Variants in ETAA1 observed in about 807,000 individuals in gnomAD.
ETAA1 encodes ETAA1 activator of ATR kinase.
ETAA1 carries 49 observed loss-of-function variants against 76.8 expected under a neutral mutation model. That is an observed-to-expected ratio of 0.64 (90% confidence interval 0.51 to 0.81). The LOEUF (loss-of-function observed/expected upper bound fraction) is 0.81. ETAA1 is among the 30% of genes least tolerant of loss of function. The pLI is 0.00. For synonymous variants in ETAA1, 373 were observed against 372.2 expected (o/e 1.00, Z -0.03); for missense variants, 1,099 against 1,074.0 (o/e 1.02, Z -0.32).
chr2:67,407,715 A>G (rs1390355781), intron 5 of ETAA1, among the ~76,000 whole-genome samples: 4 of 152,176 alleles, frequency 2.6e-5, no homozygotes, highest in Non-Finnish European at 5.9e-5. Context: ...TATTCTTACA[A>G]TAAGCTGGAA....
rs981121295 is a variant in ETAA1, at chr2:67,410,677, T to G, written c.*639T>G. The stretch of plus-strand genomic sequence containing the variant: ...ACATAGAGGAAAAGAAGTAGTGGAT[T>G]GTCTACAAAAGTAATGTGGCATCAT... On this transcript the variant is annotated 3_prime_UTR_variant, in exon 6 of 6. Coordinates refer to ENST00000272342, the MANE Select transcript of ETAA1 (RefSeq NM_019002.4). 1 of 152,206 alleles carries G rather than the reference T, an allele frequency of 6.6e-6. No homozygotes were observed. The highest frequency in any genetic ancestry group is 1.9e-4 in the East Asian group (1 of 5,188). The allele number at this position is 152,206 out of a possible 1,614,324, so 9.4% of individuals were successfully genotyped here. A position where few individuals can be genotyped will look rare whatever the true frequency, so the allele number is the denominator to read the frequency against.
rs1369876011 is a variant in ETAA1, at chr2:67,397,634, T to G, written c.186T>G (p.Pro62=). Reference sequence around the variant, plus strand: ...GGCCAGTGCGGCAGCGAGAGCAGCCTCCGACCGCCGCCCTGTGCAGTAAAA... The same window carrying G: ...GGCCAGTGCGGCAGCGAGAGCAGCCGCCGACCGCCGCCCTGTGCAGTAAAA... The part of the protein sequence containing the change: ...PPGPVRQREQ[P]PTAALCSKSN... Residue 62 remains proline, a synonymous_variant, in exon 1 of 6, where the codon CCT becomes CCG. Transcript: ENST00000272342. The G allele has an allele frequency of 6.5e-7, 1 of 1,547,246 alleles. No homozygotes were observed. The highest frequency in any genetic ancestry group is 2.4e-5 in the East Asian group (1 of 40,934).
chr2:67,411,322 C>G lies in ETAA1; in HGVS notation c.*1284C>G, dbSNP rs1379002478. On this transcript the variant is annotated 3_prime_UTR_variant, in exon 6 of 6. Coordinates refer to ENST00000272342, the MANE Select transcript of ETAA1 (RefSeq NM_019002.4). ...GCTGTGATAATATGGTAGTTACTGC[C>G]CTATAGCTATACAGATACTCCTCAA... 6.6e-6 allele frequency: 1 copy of G among 151,928 alleles called. No individual in the cohort carries two copies. The highest frequency in any genetic ancestry group is 1.9e-4 in the East Asian group (1 of 5,184). 9.4% of individuals were successfully genotyped at this position (151,928 alleles called of 1,614,324 possible).
chr2:67,410,085 G>GTGAT lies in ETAA1; in HGVS notation c.*52_*55dup, dbSNP rs35271433. The GTGAT allele has an allele frequency of 1.3e-6, 2 of 1,540,444 alleles. No individual in the cohort carries two copies. The highest frequency in any genetic ancestry group is 1.4e-5 in the African/African-American group (1 of 70,308). The stretch of plus-strand genomic sequence containing the variant: ...TCACGAAGACTGCTGATAACTATCT[G>GTGAT]TGATTGATAGGAAATTTTTTTTCTT... On this transcript the variant is annotated 3_prime_UTR_variant, in exon 6 of 6. Coordinates refer to ENST00000272342, the MANE Select transcript of ETAA1 (RefSeq NM_019002.4).
rs201848293 is a variant in ETAA1 at position 67,404,611 on chromosome 2, C to T, written c.1929C>T (p.Ser643=). 1.8e-5 allele frequency: 29 copies of T among 1,613,002 alleles called. No individual in the cohort carries two copies. Among genetic ancestry groups the T allele is most frequent in the Non-Finnish European group, 2.0e-5 (23 of 1,179,392 alleles). The change falls in exon 5 of 6, where the codon TCC becomes TCT. Residue 643 remains serine (S), a synonymous_variant. Coordinates refer to ENST00000272342, the MANE Select transcript of ETAA1 (RefSeq NM_019002.4). Reference sequence around the variant, plus strand: ...GTATATGTGAGATCAATAATAATTCCGAACATGGAGCCAAACTAACTCAGC... The same window carrying T: ...GTATATGTGAGATCAATAATAATTCTGAACATGGAGCCAAACTAACTCAGC... ...SESICEINNN[S]EHGAKLTQQQ...
Position 67,404,001 on chromosome 2 carries a change from A to T in ETAA1, c.1319A>T (p.Asp440Val). The T allele has an allele frequency of 6.2e-7, 1 of 1,608,040 alleles. No homozygotes were observed. Among genetic ancestry groups the T allele is most frequent in the Non-Finnish European group, 8.5e-7 (1 of 1,177,926 alleles). Reference sequence around the variant, plus strand: ...ACAAGTCCAGATGCCAGGTTAGGAGATTCAAAAGTATTACAAGATCTTTCT... The same window carrying T: ...ACAAGTCCAGATGCCAGGTTAGGAGTTTCAAAAGTATTACAAGATCTTTCT... The part of the protein sequence containing the change: ...ANTSPDARLG[D>V]SKVLQDLSSK... Residue 440 changes from aspartate to valine, a missense_variant, in exon 5 of 6, where the codon GAT (aspartate) becomes GTT (valine). By Grantham distance (152) the Asp-to-Val change is radical (BLOSUM62 -3). Transcript: ENST00000272342.
chr2:67,404,103 C>A lies in ETAA1; in HGVS notation c.1421C>A (p.Ser474Tyr). 1 of 1,591,102 alleles carries A rather than the reference C, an allele frequency of 6.3e-7. No individual in the cohort carries two copies. Among genetic ancestry groups the A allele is most frequent in the Non-Finnish European group, 8.5e-7 (1 of 1,171,872 alleles). The change falls in exon 5 of 6, where the codon TCC becomes TAC. Residue 474 changes from serine to tyrosine, a missense_variant. This residue lies in a region of ETAA1 where 761 missense variants were observed against 731.9 expected (regional missense o/e 1.04). Coordinates refer to ENST00000272342, the MANE Select transcript of ETAA1 (RefSeq NM_019002.4). ...AATTCAAATAAATCAAACAAATTAT[C>A]CACTGGAAATAAAATGAAATTTGAG... ...SPNSNKSNKL[S>Y]TGNKMKFENS...
intron 2 of ETAA1, 104 bp from the exon 3 acceptor site, chr2:67,399,446 C>T: frequency 3.5e-6 from 4 of 1,129,410 alleles, no homozygotes; most frequent in Non-Finnish European, 5.2e-6. Flanking sequence ...ACACATAATC[C>T]TCTAAGCTGC....
At chr2:67,401,897 A>G (rs1676067976) in intron 3 of ETAA1, 2 of 151,970 alleles carry the variant, frequency 1.3e-5, no homozygotes, top group Non-Finnish European at 2.9e-5. Context: ...TTGAAGTACC[A>G]AACTGTAGGG....
intron 5 of ETAA1, among the ~76,000 whole-genome samples, chr2:67,409,646 A>G (rs1023785028): frequency 6.6e-6 from 1 of 151,986 alleles, no homozygotes; most frequent in African/African-American, 2.4e-5. Context: ...TTTGGTGGGT[A>G]GTCAGTTTTC....
chr2:67,409,830 T>TAA (rs1389355169), intron 5 of ETAA1, 81 bp from the exon 6 acceptor site: 2 of 1,400,762 alleles, frequency 1.4e-6, no homozygotes, highest in African/African-American at 2.9e-5. Flanking sequence ...TCTGGGTGAT[T>TAA]AAAAAAAGCA....
rs1341618668 is a variant in ETAA1, at chr2:67,402,865, GA to G, written c.438del (p.Lys146AsnfsTer23). 6.3e-7 allele frequency: 1 copy of G among 1,586,874 alleles called. No individual in the cohort carries two copies. ...TTTTTTTCCCTATCTGCCAAAGGAT[GA>G]AAAACCAACAACAAATTCTATGCTG... ...HIVNRIAPQD[E>X]KPTTNSMLDM... On this transcript the variant is annotated frameshift_variant, in exon 4 of 6. Transcript: ENST00000272342. LOFTEE classifies it high-confidence loss of function.
At chr2:67,403,023 T>C (rs766340149) in intron 4 of ETAA1, 49 bp downstream of exon 4, 2 of 1,483,322 alleles carry the variant, frequency 1.3e-6, no homozygotes, top group African/African-American at 2.9e-5. Flanking sequence ...AGCAAATATT[T>C]TTTGATAATA....
At position 67,397,459 on chromosome 2, in the gene ETAA1, G is replaced by C. The variant is rs1474520984; in HGVS notation, c.11G>C (p.Arg4Pro). The change falls in exon 1 of 6, where the codon CGA becomes CCA. Residue 4 changes from arginine (R) to proline (P), a missense_variant. By Grantham distance (103) the Arg-to-Pro change is moderately radical. Around this residue, in one of 3 missense-constraint regions of ETAA1, gnomAD observed 761 missense variants for 731.9 expected, o/e 1.04. Coordinates refer to ENST00000272342, the MANE Select transcript of ETAA1 (RefSeq NM_019002.4). ...GGCGGGCCATAGGCAATGAGTCGGC[G>C]AAGGAAACATGATGACAGCCCTAGC... The part of the protein sequence containing the change: MSR[R>P]RKHDDSPSPK... The C allele has an allele frequency of 1.3e-6, 2 of 1,596,642 alleles. No homozygotes were observed. Among genetic ancestry groups the C allele is most frequent in the South Asian group, 2.3e-5 (2 of 88,872 alleles).
Position 67,404,892 on chromosome 2 carries a change from C to G in ETAA1, c.2210C>G (p.Thr737Ser), listed in dbSNP as rs1558581783. Residue 737 changes from threonine to serine, a missense_variant, in exon 5 of 6, where the codon ACT becomes AGT. Physicochemically the swap from Thr to Ser is moderately conservative, Grantham distance 58. This residue lies in a region of ETAA1 where 302 missense variants were observed against 278.1 expected (regional missense o/e 1.09). Transcript: ENST00000272342. ...AGATTTTTAGGTGCCACAAATTTGA[C>G]TATGTATTCTAAGATCTCAAACTGT... ...SPRFLGATNL[T>S]MYSKISNCQI... The G allele has an allele frequency of 6.2e-7, 1 of 1,612,890 alleles. No individual in the cohort carries two copies. The highest frequency in any genetic ancestry group is 8.5e-7 in the Non-Finnish European group (1 of 1,179,286).
chr2:67,399,708 G>T (rs919695824), intron 3 of ETAA1, 82 bp downstream of exon 3: 1 of 929,202 alleles, frequency 1.1e-6, no homozygotes, highest in Admixed American at 2.6e-5. Context: ...TAAATGAAAA[G>T]TATTGTCTAT....
rs995739118 is a variant in ETAA1, at chr2:67,411,619, C to T, written c.*1581C>T. 2.0e-4 allele frequency: 30 copies of T among 151,936 alleles called. No homozygotes were observed. Among genetic ancestry groups the T allele is most frequent in the African/African-American group, 6.5e-4 (27 of 41,386 alleles). The allele number at this position is 151,936 out of a possible 1,614,324, so 9.4% of individuals were successfully genotyped here. A position where few individuals can be genotyped will look rare whatever the true frequency, so the allele number is the denominator to read the frequency against. ...AGAATCAAACTTTAAAGTATGGTTTCTATTGGACGCATATCACTTTTGCAT... is the reference window on the plus strand; with the variant it reads ...AGAATCAAACTTTAAAGTATGGTTTTTATTGGACGCATATCACTTTTGCAT... On this transcript the variant is annotated 3_prime_UTR_variant, in exon 6 of 6. Transcript: ENST00000272342.
Position 67,397,563 on chromosome 2 carries a change from T to C in ETAA1, c.115T>C (p.Ser39Pro), listed in dbSNP as rs201688163. The C allele has an allele frequency of 3.0e-4, 471 of 1,568,858 alleles. No homozygotes were observed. The highest frequency in any genetic ancestry group is 3.9e-4 in the Non-Finnish European group (448 of 1,157,414). Residue 39 changes from serine (S) to proline (P), a missense_variant, in exon 1 of 6, where the codon TCG (serine) becomes CCG (proline). Coordinates refer to ENST00000272342, the MANE Select transcript of ETAA1 (RefSeq NM_019002.4). Reference protein sequence around the residue: ...VVEPGRRRLRSARGSWPCGAR... With the variant: ...VVEPGRRRLRPARGSWPCGAR... ...CGAGCCAGGGAGGAGGCGGCTGAGATCGGCCCGCGGTTCGTGGCCCTGCGG... is the reference window on the plus strand; with the variant it reads ...CGAGCCAGGGAGGAGGCGGCTGAGACCGGCCCGCGGTTCGTGGCCCTGCGG...
intron 4 of ETAA1, 69 bp from the exon 5 acceptor site, chr2:67,403,156 A>T (rs1676101586): frequency 8.4e-7 from 1 of 1,192,298 alleles, no homozygotes; most frequent in South Asian, 1.7e-5. Context: ...TAACATCAAA[A>T]TATGTTAAAT....
Sources: allele counts gnomAD v4.1 joint callset (sites outside exome capture counted in the v4.1 genomes callset), GRCh38; gene constraint gnomAD v4.1.1; regional missense constraint gnomAD v4.1.1; transcripts MANE v1.5; gene names NCBI Gene and HGNC (gene_info 2026-07-23, HGNC 2026-07-21).